The following AGO3 variants were observed in gnomAD, a reference collection of about 807,000 sequenced individuals.
The protein encoded by AGO3 is protein argonaute-3.
Under a neutral mutation model 105.5 loss-of-function variants are expected in AGO3, and 16 were observed. That is an observed-to-expected ratio of 0.15 (90% confidence interval 0.10 to 0.23). AGO3 has a LOEUF of 0.23. AGO3 is among the 10% of genes least tolerant of loss of function. The probability of loss-of-function intolerance (pLI) is 1.00; values close to 1 mark genes in which losing one functional copy is unlikely to be tolerated. For missense variants in AGO3, 534 were observed against 1,088.0 expected, an observed-to-expected ratio of 0.49 and a Z score of 7.16; for synonymous variants, 340 against 367.3, an observed-to-expected ratio of 0.93 and a Z score of 0.85.
At chr1:36,032,878 A>C (rs1244434375) in intron 12 of AGO3, among the ~76,000 whole-genome samples, 10 of 152,086 alleles carry the variant, frequency 6.6e-5, no homozygotes, top group Admixed American at 6.5e-4. Flanking sequence ...TAATCCCAGC[A>C]CTTTGGGAGG....
At chr1:35,935,982 G>A (rs1411773049) in intron 1 of AGO3, among the ~76,000 whole-genome samples, 6 of 152,196 alleles carry the variant, frequency 3.9e-5, no homozygotes, top group Non-Finnish European at 4.4e-5. Flanking sequence ...TTTAAGATCA[G>A]TATCCTTTCC....
chr1:35,988,071 GAAGAAAAAA>G (rs553503509), intron 5 of AGO3, among the ~76,000 whole-genome samples: 69 of 151,454 alleles, frequency 4.6e-4, no homozygotes, highest in African/African-American at 1.6e-3. Flanking sequence ...CTGTCTCAAA[GAAGAAAAAA>G]AAGAAAAAGA....
intron 5 of AGO3, among the ~76,000 whole-genome samples, chr1:35,985,731 A>G (rs897766784): frequency 6.6e-6 from 1 of 152,262 alleles, no homozygotes; most frequent in African/African-American, 2.4e-5. Flanking sequence ...AACACCAAAC[A>G]AAGTACAAAG....
rs771533501 is a variant in AGO3 at position 35,966,945 on chromosome 1, CCTT to C, written c.192-6_192-4del. 13 of 1,597,362 alleles carry C rather than the reference CCTT, an allele frequency of 8.1e-6. No individual in the cohort carries two copies. The Admixed American group carries it at 2.2e-4, about 27-fold the overall frequency. ...GAGGATTATGTGAATATATTGTTTC[CCTT>C]CTTTAGGGAGGTGGTTGACTCAATG... On this transcript the variant is annotated splice_region_variant and splice_polypyrimidine_tract_variant and intron_variant, in intron 2 of 18. Coordinates refer to ENST00000373191, the MANE Select transcript of AGO3 (RefSeq NM_024852.4).
rs201835772 is a variant in AGO3, at chr1:36,013,651, A to G, written c.1171A>G (p.Thr391Ala). The change falls in exon 10 of 19, where the codon ACA becomes GCA. Residue 391 changes from threonine to alanine, a missense_variant. By Grantham distance (58) the Thr-to-Ala change is moderately conservative. Transcript: ENST00000373191. ...TTAGGTAAGAAGTGCAAATTATGAA[A>G]CAGATCCATTTGTTCAGGAGTTTCA... ...SRLVRSANYE[T>A]DPFVQEFQFK... 3.5e-5 allele frequency: 57 copies of G among 1,614,004 alleles called. No individual in the cohort carries two copies. The African/African-American group carries it at 6.9e-4, about 20-fold the overall frequency.
At chr1:35,985,522 CTG>C (rs1343238695) in intron 5 of AGO3, among the ~76,000 whole-genome samples, 21 of 152,276 alleles carry the variant, frequency 1.4e-4, no homozygotes, top group African/African-American at 3.1e-4. Flanking sequence ...TTTATGGAAA[CTG>C]TAAATATCTG....
chr1:36,022,933 CAAAAAAAAAAACAA>C (rs767512528), intron 11 of AGO3, among the ~76,000 whole-genome samples: 1 of 25,388 alleles, frequency 3.9e-5, no homozygotes, highest in Non-Finnish European at 1.2e-4. Flanking sequence ...AAAAAAAAAA[CAAAAAAAAAAACAA>C]AAAAAAAAGA....
At chr1:35,990,283 T>A (rs971805744) in intron 5 of AGO3, among the ~76,000 whole-genome samples, 3 of 151,464 alleles carry the variant, frequency 2.0e-5, no homozygotes, top group Non-Finnish European at 4.4e-5. Context: ...CCGAGGGGGG[T>A]GGATCACGAG....
At chr1:35,994,103 T>G (rs1262508993) in intron 5 of AGO3, among the ~76,000 whole-genome samples, 1 of 133,898 alleles carries the variant, frequency 7.5e-6, no homozygotes, top group Non-Finnish European at 1.5e-5. Context: ...CAGGCTGGAA[T>G]GCAGTAGTGT....
intron 5 of AGO3, among the ~76,000 whole-genome samples, chr1:35,979,394 T>C (rs1356009514): frequency 6.6e-6 from 1 of 152,108 alleles, no homozygotes; most frequent in African/African-American, 2.4e-5. Flanking sequence ...GTATTTTTCC[T>C]TTTAGAGTTT....
At chr1:35,995,408 G>A (rs571846246) in intron 5 of AGO3, among the ~76,000 whole-genome samples, 5 of 151,840 alleles carry the variant, frequency 3.3e-5, no homozygotes, top group African/African-American at 1.2e-4. Flanking sequence ...GTGATACTGG[G>A]GTAAAGATTG....
intron 10 of AGO3, 56 bp from the exon 11 acceptor site, chr1:36,013,859 T>C: frequency 1.2e-6 from 2 of 1,602,246 alleles, no homozygotes; most frequent in Admixed American, 1.7e-5. Context: ...GTTTACTTTC[T>C]GTTTATTGAA....
In AGO3 at chr1:36,057,880, G is replaced by A. The variant is rs1162515728; in HGVS notation, c.*2135G>A. ...TAATCCCAGCTACTCGGGAGGCTGA[G>A]GCAGGATTGCTTGAACCTAGGAGGC... On this transcript the variant is annotated 3_prime_UTR_variant, in exon 19 of 19. Transcript: ENST00000373191. 1.3e-5 allele frequency: 2 copies of A among 152,072 alleles called. No individual in the cohort carries two copies. Among genetic ancestry groups the A allele is most frequent in the Non-Finnish European group, 2.9e-5 (2 of 68,046 alleles). 9.4% of individuals were successfully genotyped at this position (152,072 alleles called of 1,614,324 possible).
rs557371324 is a variant in AGO3 at position 35,943,998 on chromosome 1, A to G, written c.20-1694A>G. On this transcript the variant is annotated intron_variant, in intron 1 of 18. Coordinates refer to ENST00000373191, the MANE Select transcript of AGO3 (RefSeq NM_024852.4). ...GGCTGAATAATATTTCATTGTATGT[A>G]TATACCACATTTTGTTTATTCATTC... Among the ~76,000 whole-genome samples the G allele has an allele frequency of 2.0e-5, 3 of 152,258 alleles. No homozygotes were observed. In the South Asian group the frequency reaches 6.2e-4, roughly 32 times the overall value.
rs566278235 is a variant in AGO3 at position 36,060,650 on chromosome 1, C to A, written c.*4905C>A. On this transcript the variant is annotated 3_prime_UTR_variant, in exon 19 of 19. Transcript: ENST00000373191. ...AAAATTTTCATTCAGTATCATTAAA[C>A]CTGAGTTAAATGTTTGCTTAGCTTA... 6.6e-6 allele frequency: 1 copy of A among 152,320 alleles called. No homozygotes were observed. Among genetic ancestry groups the A allele is most frequent in the African/African-American group, 2.4e-5 (1 of 41,568 alleles). 9.4% of individuals were successfully genotyped at this position (152,320 alleles called of 1,614,324 possible). A position where few individuals can be genotyped will look rare whatever the true frequency, so the allele number is the denominator to read the frequency against.
At chr1:35,990,917 C>A (rs528044356) in intron 5 of AGO3, among the ~76,000 whole-genome samples, 8 of 152,246 alleles carry the variant, frequency 5.3e-5, no homozygotes, top group African/African-American at 1.9e-4. Context: ...ATTCAGGCAT[C>A]TGGGCAAGAA....
intron 2 of AGO3, among the ~76,000 whole-genome samples, chr1:35,959,491 T>C (rs1224375315): frequency 1.3e-5 from 2 of 152,224 alleles, no homozygotes; most frequent in East Asian, 3.8e-4. Flanking sequence ...TTAGACATTC[T>C]TATCTGTGTT....
intron 6 of AGO3, among the ~76,000 whole-genome samples, chr1:36,007,689 A>AG (rs1312360065): frequency 6.6e-6 from 1 of 151,666 alleles, no homozygotes; most frequent in African/African-American, 2.4e-5. Flanking sequence ...AGAGCAAAAA[A>AG]CTAAAAAAAA....
intron 5 of AGO3, among the ~76,000 whole-genome samples, chr1:35,998,437 G>A (rs1286029822): frequency 6.6e-6 from 1 of 152,098 alleles, no homozygotes; most frequent in African/African-American, 2.4e-5. Context: ...TAACAGAAGT[G>A]CTGGGTTGAA....
Sources: gnomAD v4.1 joint callset for allele counts (sites outside exome capture counted in the v4.1 genomes callset) on GRCh38, gnomAD v4.1.1 for gene constraint, MANE v1.5 for transcripts, NCBI Gene and HGNC (gene_info 2026-07-23, HGNC 2026-07-21) for gene names.